NELL2: variants seen among roughly 807,000 people sequenced by gnomAD.
NELL2 encodes the protein protein kinase C-binding protein NELL2.
NELL2 carries 41 observed loss-of-function variants against 109.6 expected under a neutral mutation model. The ratio of observed to expected loss-of-function variants is 0.37; its 90% CI spans 0.29 to 0.49. NELL2 has a LOEUF of 0.49. NELL2 is among the 20% of genes least tolerant of loss of function. NELL2 has a pLI of 0.98. For synonymous variants in NELL2, 355 were observed against 344.7 expected (o/e 1.03, Z -0.33); for missense variants, 900 against 1,008.3 (o/e 0.89, Z 1.45).
intron 2 of NELL2, among the ~76,000 whole-genome samples, chr12:44,868,833 T>C (rs985486685): frequency 2.0e-5 from 3 of 152,142 alleles, no homozygotes; most frequent in Non-Finnish European, 4.4e-5. Context: ...ATAATGACTA[T>C]AGTAATAATA....
At chr12:44,694,905 C>T (rs1949013497) in intron 12 of NELL2, among the ~76,000 whole-genome samples, 1 of 152,024 alleles carries the variant, frequency 6.6e-6, no homozygotes, top group Non-Finnish European at 1.5e-5. Flanking sequence ...CAGATTTCCT[C>T]TATATCTCAC....
intron 13 of NELL2, among the ~76,000 whole-genome samples, chr12:44,629,042 T>C (rs995551251): frequency 1.3e-5 from 2 of 152,298 alleles, no homozygotes; most frequent in African/African-American, 2.4e-5. Context: ...TCAAGAGACA[T>C]GATATTATGT....
At chr12:44,804,173 C>G (rs1248787844) in intron 3 of NELL2, among the ~76,000 whole-genome samples, 2 of 151,830 alleles carry the variant, frequency 1.3e-5, no homozygotes, top group Admixed American at 1.3e-4. Flanking sequence ...ATCCCACAAT[C>G]AAGTGTAATT....
At chr12:44,701,081 C>T (rs1287363039) in intron 12 of NELL2, among the ~76,000 whole-genome samples, 1 of 151,960 alleles carries the variant, frequency 6.6e-6, no homozygotes, top group African/African-American at 2.4e-5. Context: ...CAAATATATA[C>T]CATGCAAAAT....
chr12:44,907,312 A>G (rs557792051), intron 1 of NELL2, among the ~76,000 whole-genome samples: 2 of 152,270 alleles, frequency 1.3e-5, no homozygotes, highest in South Asian at 2.1e-4. Flanking sequence ...GAAAATAAAA[A>G]TAAGAGTTCT....
chr12:44,821,074 T>A (rs1418237032), intron 2 of NELL2, among the ~76,000 whole-genome samples: 1 of 142,838 alleles, frequency 7.0e-6, no homozygotes. Flanking sequence ...CACACACGTA[T>A]ATATATTCTA....
intron 12 of NELL2, among the ~76,000 whole-genome samples, chr12:44,681,341 G>GCTTC (rs975586301): frequency 4.7e-5 from 7 of 148,142 alleles, no homozygotes; most frequent in African/African-American, 1.7e-4. Flanking sequence ...ACTTTTAAGA[G>GCTTC]CTTCTTAAAA....
At chr12:44,644,580 G>GTA (rs138161908) in intron 13 of NELL2, among the ~76,000 whole-genome samples, 3,381 of 84,268 alleles carry the variant, frequency 0.04, 169 homozygotes, top group African/African-American at 0.11. Flanking sequence ...ACAAAGTAAA[G>GTA]TATATATATA....
rs1945287968 is a variant in NELL2, at chr12:44,875,451, A to G, written c.56-98T>C. On this transcript the variant is annotated intron_variant, in intron 1 of 19. Transcript: ENST00000429094. ...CAGCAAAGAACCGCGTTTTCGCGACAATATTGGGAACTGAAGATGAGAGGC... is the reference window on the plus strand; with the variant it reads ...CAGCAAAGAACCGCGTTTTCGCGACGATATTGGGAACTGAAGATGAGAGGC... 11 of 1,613,862 alleles carry G rather than the reference A, an allele frequency of 6.8e-6. No individual in the cohort carries two copies. In the East Asian group the frequency reaches 2.2e-4, roughly 33 times the overall value.
intron 12 of NELL2, among the ~76,000 whole-genome samples, chr12:44,679,462 C>A (rs1295111774): frequency 6.6e-6 from 1 of 152,036 alleles, no homozygotes; most frequent in African/African-American, 2.4e-5. Context: ...GAATCCACCA[C>A]CTGACATTTT....
At chr12:44,548,563 GA>G (rs1942900098) in intron 15 of NELL2, among the ~76,000 whole-genome samples, 1 of 149,464 alleles carries the variant, frequency 6.7e-6, no homozygotes, top group East Asian at 2.0e-4. Flanking sequence ...AAAAACAAAA[GA>G]AAAAACCAAG....
chr12:44,785,473 G>C (rs1441341590), intron 3 of NELL2, among the ~76,000 whole-genome samples: 1 of 152,068 alleles, frequency 6.6e-6, no homozygotes, highest in Admixed American at 6.5e-5. Flanking sequence ...TATAGATTCA[G>C]TGCTATCCCC....
chr12:44,860,663 C>T (rs1944812883), intron 2 of NELL2, among the ~76,000 whole-genome samples: 4 of 151,718 alleles, frequency 2.6e-5, no homozygotes, highest in Admixed American at 2.6e-4. Context: ...AATTAAAAGG[C>T]CCCTTGTGAT....
chr12:44,861,650 C>G (rs1173195091), intron 2 of NELL2, among the ~76,000 whole-genome samples: 3 of 152,144 alleles, frequency 2.0e-5, no homozygotes, highest in Non-Finnish European at 2.9e-5. Context: ...GGGGCCAGCC[C>G]AAAGCTGGGT....
intron 1 of NELL2, among the ~76,000 whole-genome samples, chr12:44,907,596 A>G (rs1202556604): frequency 6.6e-6 from 1 of 152,116 alleles, no homozygotes; most frequent in Admixed American, 6.6e-5. Flanking sequence ...GAAAAATGAA[A>G]TTAGAGACAG....
chr12:44,588,460 T>C (rs116425256), intron 15 of NELL2, among the ~76,000 whole-genome samples: 289 of 151,964 alleles, frequency 1.9e-3, no homozygotes, highest in African/African-American at 6.2e-3. Context: ...CAAAATGACG[T>C]CCACTGGCTT....
At chr12:44,510,420 T>A (rs1006881953) in intron 19 of NELL2, among the ~76,000 whole-genome samples, 6 of 152,142 alleles carry the variant, frequency 3.9e-5, no homozygotes, top group African/African-American at 2.4e-5. Context: ...CTAAAATACA[T>A]CCTCCATTAT....
intron 15 of NELL2, among the ~76,000 whole-genome samples, chr12:44,539,528 C>T (rs1726233746): frequency 6.6e-6 from 1 of 151,886 alleles, no homozygotes; most frequent in South Asian, 2.1e-4. Flanking sequence ...CATATTTTGC[C>T]TGAACTTATT....
At chr12:44,724,556 A>G (rs547018254) in intron 9 of NELL2, among the ~76,000 whole-genome samples, 68 of 152,232 alleles carry the variant, frequency 4.5e-4, no homozygotes, top group African/African-American at 1.4e-3. Flanking sequence ...CAGGAAAGTG[A>G]AAGACCTCTA....
Sources: gnomAD v4.1 joint callset for allele counts (sites outside exome capture counted in the v4.1 genomes callset) on GRCh38, gnomAD v4.1.1 for gene constraint, MANE v1.5 for transcripts, NCBI Gene and HGNC (gene_info 2026-07-23, HGNC 2026-07-21) for gene names.